The following PTPRD variants were observed in gnomAD, a reference collection of about 807,000 sequenced individuals.
The protein encoded by PTPRD is receptor-type tyrosine-protein phosphatase delta.
In PTPRD, 34 loss-of-function variants were observed where a neutral mutation model predicts 214.5. That is an observed-to-expected ratio of 0.16 (90% CI 0.12 to 0.21). The LOEUF (loss-of-function observed/expected upper bound fraction) is 0.21, where lower values mean the gene tolerates loss of function less well. PTPRD is among the 10% of genes least tolerant of loss of function. The pLI, the probability that PTPRD is intolerant of heterozygous loss-of-function variation, is 1.00. For synonymous variants in PTPRD, 1,128 were observed against 845.7 expected (o/e 1.33, Z -5.79); for missense variants, 2,545 against 2,398.7 (o/e 1.06, Z -1.27).
intron 7 of PTPRD, among the ~76,000 whole-genome samples, chr9:9,682,707 G>C (rs550897209): frequency 6.6e-6 from 1 of 151,762 alleles, no homozygotes; most frequent in South Asian, 2.1e-4. Flanking sequence ...AAATTGTCTG[G>C]AGGCCAACTA....
At chr9:9,800,268 C>A (rs552694180) in intron 5 of PTPRD, among the ~76,000 whole-genome samples, 315 of 152,196 alleles carry the variant, frequency 2.1e-3, no homozygotes, top group African/African-American at 7.3e-3. Flanking sequence ...CAAGGAATTC[C>A]AGCCTACAGT....
intron 9 of PTPRD, among the ~76,000 whole-genome samples, chr9:9,285,542 A>T (rs1367431855): frequency 6.6e-6 from 1 of 151,812 alleles, no homozygotes; most frequent in Non-Finnish European, 1.5e-5. Context: ...AGGCATTAGC[A>T]ATTGTGCAAG....
intron 8 of PTPRD, chr9:9,441,982 C>T (rs2088083674): frequency 6.6e-6 from 1 of 152,210 alleles, no homozygotes; most frequent in African/African-American, 2.4e-5. Context: ...CAAGATATAT[C>T]TTATTCAAAA....
At chr9:8,527,919 A>T (rs1045148325) in intron 15 of PTPRD, among the ~76,000 whole-genome samples, 51 of 152,250 alleles carry the variant, frequency 3.3e-4, no homozygotes, top group African/African-American at 1.1e-3. Context: ...ATGTGTAGAA[A>T]ATGTTCACTC....
chr9:8,757,645 TACATATATACATATATATATACATAC>T (rs1565835856), intron 11 of PTPRD, among the ~76,000 whole-genome samples: 73 of 139,354 alleles, frequency 5.2e-4, no homozygotes, highest in African/African-American at 2.0e-3. Context: ...TATATATACA[TACATATATACATATATATATACATAC>T]ATATATATAT....
intron 11 of PTPRD, among the ~76,000 whole-genome samples, chr9:8,894,635 A>G (rs768343438): frequency 6.6e-6 from 1 of 152,140 alleles, no homozygotes; most frequent in Non-Finnish European, 1.5e-5. Flanking sequence ...ATGAAAAGTC[A>G]TTAAACTGTA....
At chr9:8,486,785 C>G (rs1012827568) in intron 27 of PTPRD, among the ~76,000 whole-genome samples, 1 of 152,116 alleles carries the variant, frequency 6.6e-6, no homozygotes, top group Non-Finnish European at 1.5e-5. Context: ...ATATAGTATT[C>G]ACAATTGGTT....
chr9:9,709,360 T>A (rs1176807414), intron 7 of PTPRD, among the ~76,000 whole-genome samples: 1 of 152,044 alleles, frequency 6.6e-6, no homozygotes, highest in Non-Finnish European at 1.5e-5. Context: ...CTCTTAAAAC[T>A]GAAATGGCAA....
intron 12 of PTPRD, among the ~76,000 whole-genome samples, chr9:8,668,656 G>A (rs1026800947): frequency 2.6e-5 from 4 of 152,198 alleles, no homozygotes; most frequent in Middle Eastern, 3.4e-3. Flanking sequence ...AATGCAGGCC[G>A]AAAACAATAA....
chr9:8,340,099 T>C (rs1236730133), intron 42 of PTPRD, among the ~76,000 whole-genome samples: 1 of 152,150 alleles, frequency 6.6e-6, no homozygotes, highest in Non-Finnish European at 1.5e-5. Context: ...CTGCTACTCA[T>C]TTGTCTCCAT....
intron 12 of PTPRD, among the ~76,000 whole-genome samples, chr9:8,662,507 T>G (rs1225329746): frequency 1.3e-5 from 2 of 152,188 alleles, no homozygotes; most frequent in Non-Finnish European, 2.9e-5. Context: ...ACCTGTTGTC[T>G]AATTGTAGAC....
chr9:8,449,242 T>C (rs1455513314), intron 34 of PTPRD, among the ~76,000 whole-genome samples: 2 of 152,080 alleles, frequency 1.3e-5, no homozygotes, highest in African/African-American at 2.4e-5. Flanking sequence ...ATTTACCTCA[T>C]TTTCCTCCCT....
intron 9 of PTPRD, among the ~76,000 whole-genome samples, chr9:9,228,457 T>A (rs546505164): frequency 6.6e-6 from 1 of 152,126 alleles, no homozygotes; most frequent in Non-Finnish European, 1.5e-5. Flanking sequence ...CATATATGCA[T>A]GTTGATATAT....
chr9:8,390,698 C>A (rs905909105), intron 36 of PTPRD, among the ~76,000 whole-genome samples: 2 of 152,062 alleles, frequency 1.3e-5, no homozygotes, highest in African/African-American at 2.4e-5. Flanking sequence ...CCTAGTTTTC[C>A]ATCAGCACAT....
chr9:8,374,046 G>A (rs1000064761), intron 39 of PTPRD, among the ~76,000 whole-genome samples: 7 of 151,014 alleles, frequency 4.6e-5, no homozygotes, highest in African/African-American at 1.7e-4. Context: ...GTTTTTCAGT[G>A]AAAACTCCCA....
chr9:9,187,500 T>C (rs957619625), intron 9 of PTPRD, among the ~76,000 whole-genome samples: 1 of 152,066 alleles, frequency 6.6e-6, no homozygotes, highest in African/African-American at 2.4e-5. Flanking sequence ...CCAAGACAGA[T>C]GAATAAGAGA....
chr9:9,395,415 G>T (rs552440246), intron 9 of PTPRD, among the ~76,000 whole-genome samples: 8 of 152,126 alleles, frequency 5.3e-5, no homozygotes, highest in Admixed American at 3.3e-4. Context: ...AATTGGTTTG[G>T]GTACTACCCA....
chr9:10,014,358 G>C (rs2096658770), intron 4 of PTPRD, among the ~76,000 whole-genome samples: 1 of 151,932 alleles, frequency 6.6e-6, no homozygotes, highest in Non-Finnish European at 1.5e-5. Context: ...TTCCAAGAAG[G>C]AATGTTACAT....
At chr9:10,557,595 T>A (rs1274898436) in intron 2 of PTPRD, among the ~76,000 whole-genome samples, 1 of 152,142 alleles carries the variant, frequency 6.6e-6, no homozygotes, top group Non-Finnish European at 1.5e-5. Context: ...ACAGTTTCAG[T>A]GCTTCCAAAA....
Sources: allele counts gnomAD v4.1 joint callset (sites outside exome capture counted in the v4.1 genomes callset), GRCh38; gene constraint gnomAD v4.1.1; transcripts MANE v1.5; gene names NCBI Gene and HGNC (gene_info 2026-07-23, HGNC 2026-07-21).